DENND1A: variants seen among roughly 807,000 people sequenced by gnomAD.
DENND1A encodes the protein DENN domain-containing protein 1A.
A neutral mutation model predicts 113.7 loss-of-function variants in DENND1A; 51 were observed. That is an observed-to-expected ratio of 0.45 (90% confidence interval 0.36 to 0.57). The LOEUF is 0.57. DENND1A is among the 20% of genes least tolerant of loss of function. The pLI is 0.00. For synonymous variants in DENND1A, 565 were observed against 570.8 expected (o/e 0.99, Z 0.14); for missense variants, 1,258 against 1,395.9 (o/e 0.90, Z 1.57).
At chr9:123,504,876 A>G (rs2052782926) in intron 13 of DENND1A, among the ~76,000 whole-genome samples, 1 of 152,206 alleles carries the variant, frequency 6.6e-6, no homozygotes, top group Admixed American at 6.5e-5. Context: ...GAACTTCTCC[A>G]TAATGACACC....
intron 13 of DENND1A, among the ~76,000 whole-genome samples, chr9:123,495,610 T>C (rs1564598995): frequency 6.6e-6 from 1 of 152,204 alleles, no homozygotes; most frequent in African/African-American, 2.4e-5. Flanking sequence ...CACCGATCAA[T>C]ATGAAGCAAG....
At chr9:123,461,271 T>C (rs2048500409) in intron 13 of DENND1A, among the ~76,000 whole-genome samples, 1 of 152,176 alleles carries the variant, frequency 6.6e-6, no homozygotes, top group Non-Finnish European at 1.5e-5. Flanking sequence ...TTCACTGGTA[T>C]CCCCTCTCAC....
At chr9:123,716,846 G>A (rs1293896958) in intron 5 of DENND1A, among the ~76,000 whole-genome samples, 2 of 152,152 alleles carry the variant, frequency 1.3e-5, no homozygotes, top group Non-Finnish European at 2.9e-5. Flanking sequence ...GCAGAGGCAA[G>A]GGGAGTAAAT....
At chr9:123,698,625 A>T (rs2065675087) in intron 5 of DENND1A, among the ~76,000 whole-genome samples, 1 of 152,186 alleles carries the variant, frequency 6.6e-6, no homozygotes, top group African/African-American at 2.4e-5. Flanking sequence ...CCTTCGTTTT[A>T]CAACATGAGT....
chr9:123,758,047 G>A (rs1445724729), intron 4 of DENND1A, among the ~76,000 whole-genome samples: 1 of 150,952 alleles, frequency 6.6e-6, no homozygotes, highest in African/African-American at 2.4e-5. Flanking sequence ...AATAATCAGA[G>A]CTATCATACC....
At chr9:123,645,566 CT>C (rs1298753109) in intron 9 of DENND1A, among the ~76,000 whole-genome samples, 1 of 152,206 alleles carries the variant, frequency 6.6e-6, no homozygotes, top group African/African-American at 2.4e-5. Flanking sequence ...CATCCCCAAA[CT>C]CCGCAGAACC....
At chr9:123,613,342 A>T (rs74552824) in intron 10 of DENND1A, among the ~76,000 whole-genome samples, 5 of 146,004 alleles carry the variant, frequency 3.4e-5, no homozygotes, top group African/African-American at 7.6e-5. Context: ...TAAGCTATTT[A>T]AAAAAAAAAA....
intron 1 of DENND1A, among the ~76,000 whole-genome samples, chr9:123,905,638 A>G (rs1852661422): frequency 6.7e-6 from 1 of 149,652 alleles, no homozygotes; most frequent in Non-Finnish European, 1.5e-5. Flanking sequence ...AAAGGGATCA[A>G]TTCAACAAGA....
At chr9:123,703,612 G>A (rs1215719369) in intron 5 of DENND1A, among the ~76,000 whole-genome samples, 1 of 152,090 alleles carries the variant, frequency 6.6e-6, no homozygotes, top group Non-Finnish European at 1.5e-5. Flanking sequence ...GAAAATGGCA[G>A]TAATAAGTCC....
At chr9:123,843,480 G>A in intron 2 of DENND1A, 1 of 298,618 alleles carries the variant, frequency 3.3e-6, no homozygotes. Context: ...AGCCATTTGG[G>A]AGAATAGTCT....
intron 2 of DENND1A, among the ~76,000 whole-genome samples, chr9:123,823,253 A>C (rs1330497555): frequency 6.6e-6 from 1 of 152,242 alleles, no homozygotes; most frequent in African/African-American, 2.4e-5. Context: ...CTTTGAGAAG[A>C]ATTAAAAGGC....
chr9:123,525,107 C>T (rs541484716), intron 13 of DENND1A, among the ~76,000 whole-genome samples: 8 of 152,220 alleles, frequency 5.3e-5, no homozygotes, highest in South Asian at 2.1e-4. Flanking sequence ...GCTGAGGCTC[C>T]GAAAAAGGAG....
At chr9:123,632,906 A>T (rs10283412) in intron 9 of DENND1A, among the ~76,000 whole-genome samples, 50,499 of 150,812 alleles carry the variant, frequency 0.33, 9,040 homozygotes, top group African/African-American at 0.47. Flanking sequence ...TATAATAATA[A>T]TAATATTATT....
chr9:123,415,917 G>C (rs1488169380), intron 19 of DENND1A, among the ~76,000 whole-genome samples: 1 of 152,158 alleles, frequency 6.6e-6, no homozygotes, highest in Non-Finnish European at 1.5e-5. Flanking sequence ...ATGGGGAAGA[G>C]TAGTCTGGAG....
intron 2 of DENND1A, among the ~76,000 whole-genome samples, chr9:123,845,201 G>A (rs147577054): frequency 3.1e-3 from 475 of 151,720 alleles, no homozygotes; most frequent in Admixed American, 0.011. Context: ...GCCTGGGCAA[G>A]AGAGCAAGGC....
chr9:123,694,839 CT>C (rs1454960816), intron 5 of DENND1A, among the ~76,000 whole-genome samples: 1 of 152,172 alleles, frequency 6.6e-6, no homozygotes, highest in Admixed American at 6.5e-5. Flanking sequence ...ATGGTTAATA[CT>C]GAGTGTCAAC....
intron 2 of DENND1A, among the ~76,000 whole-genome samples, chr9:123,859,693 T>C (rs981145728): frequency 2.6e-5 from 4 of 152,142 alleles, no homozygotes; most frequent in African/African-American, 9.7e-5. Flanking sequence ...ATACAAATGC[T>C]AGCCATTTGC....
At chr9:123,733,975 CTTCTT>C (rs2068375968) in intron 5 of DENND1A, among the ~76,000 whole-genome samples, 1 of 151,704 alleles carries the variant, frequency 6.6e-6, no homozygotes, top group African/African-American at 2.4e-5. Context: ...CTCTTGTTTG[CTTCTT>C]TTCAAGACAG....
chr9:123,789,229 AGGGT>A (rs1832650408), intron 3 of DENND1A, among the ~76,000 whole-genome samples: 1 of 152,074 alleles, frequency 6.6e-6, no homozygotes, highest in African/African-American at 2.4e-5. Flanking sequence ...TTGTGGTCTG[AGGGT>A]GTCACAGACA....
Sources: allele counts gnomAD v4.1 joint callset (sites outside exome capture counted in the v4.1 genomes callset), GRCh38; gene constraint gnomAD v4.1.1; transcripts MANE v1.5; gene names NCBI Gene and HGNC (gene_info 2026-07-23, HGNC 2026-07-21).